Variants in ERBB4 observed in about 807,000 individuals in gnomAD.
The protein encoded by ERBB4 is erb-b2 receptor tyrosine kinase 4.
A neutral mutation model predicts 158.0 loss-of-function variants in ERBB4; 42 were observed. The observed-to-expected ratio is 0.27, with a 90% CI of 0.21 to 0.34. The LOEUF (loss-of-function observed/expected upper bound fraction) is 0.34. ERBB4 is among the 10% of genes least tolerant of loss of function. The probability of loss-of-function intolerance (pLI) is 1.00; values close to 1 mark genes in which losing one functional copy is unlikely to be tolerated. For synonymous variants in ERBB4, 583 were observed against 558.7 expected (o/e 1.04, Z -0.61); for missense variants, 1,333 against 1,624.1 (o/e 0.82, Z 3.08).
At chr2:211,826,611 G>A (rs1293412657) in intron 3 of ERBB4, among the ~76,000 whole-genome samples, 1 of 151,730 alleles carries the variant, frequency 6.6e-6, no homozygotes, top group East Asian at 1.9e-4. Context: ...AACAGTGTCT[G>A]GTATCAATAA....
At chr2:211,939,433 CA>C (rs1403007434) in intron 3 of ERBB4, among the ~76,000 whole-genome samples, 1 of 151,360 alleles carries the variant, frequency 6.6e-6, no homozygotes, top group Non-Finnish European at 1.5e-5. Context: ...TTGCAAGGTG[CA>C]AACTTCCATA....
chr2:211,718,202 G>A (rs757629833), intron 7 of ERBB4, among the ~76,000 whole-genome samples: 14 of 152,050 alleles, frequency 9.2e-5, no homozygotes, highest in Non-Finnish European at 1.6e-4. Flanking sequence ...ACGAGCCACC[G>A]TGCCTGGCCA....
intron 1 of ERBB4, among the ~76,000 whole-genome samples, chr2:212,434,315 C>T (rs1024328207): frequency 6.6e-6 from 1 of 151,792 alleles, no homozygotes; most frequent in Non-Finnish European, 1.5e-5. Flanking sequence ...TGCTAGAAAG[C>T]CAGAGATACA....
chr2:211,570,325 C>CTTTTTTTTTTTTTTTTT (rs769458178), intron 19 of ERBB4, among the ~76,000 whole-genome samples: 3 of 105,222 alleles, frequency 2.9e-5, no homozygotes, highest in African/African-American at 1.2e-4. Context: ...CTAATTTTTG[C>CTTTTTTTTTTTTTTTTT]TTTTTTTTTT....
intron 3 of ERBB4, among the ~76,000 whole-genome samples, chr2:211,869,346 C>T (rs940060570): frequency 6.6e-6 from 1 of 152,170 alleles, no homozygotes; most frequent in Non-Finnish European, 1.5e-5. Flanking sequence ...CTTAACGTGA[C>T]ATCCTCCTGC....
chr2:212,379,240 G>A (rs1340906155), intron 1 of ERBB4, among the ~76,000 whole-genome samples: 1 of 151,694 alleles, frequency 6.6e-6, no homozygotes, highest in Non-Finnish European at 1.5e-5. Flanking sequence ...TATCCTCAAA[G>A]TCATTATTAA....
At chr2:211,420,638 CA>C (rs760210471) in intron 24 of ERBB4, 27 bp from the exon 25 acceptor site, 25 of 1,590,226 alleles carry the variant, frequency 1.6e-5, no homozygotes, top group Non-Finnish European at 2.2e-5. Flanking sequence ...CCATCAGACA[CA>C]AATATGATTC....
At chr2:212,414,928 T>C (rs2091609554) in intron 1 of ERBB4, among the ~76,000 whole-genome samples, 1 of 152,152 alleles carries the variant, frequency 6.6e-6, no homozygotes, top group African/African-American at 2.4e-5. Flanking sequence ...ATTCAGAGAA[T>C]TGAATCCAGA....
chr2:211,686,993 T>C (rs1460803344), intron 12 of ERBB4, among the ~76,000 whole-genome samples: 2 of 147,988 alleles, frequency 1.4e-5, no homozygotes, highest in Non-Finnish European at 3.0e-5. Context: ...ACCACAAGAG[T>C]TGGGTTAAAA....
At chr2:211,504,265 G>A (rs1246736073) in intron 20 of ERBB4, among the ~76,000 whole-genome samples, 2 of 152,060 alleles carry the variant, frequency 1.3e-5, no homozygotes, top group Non-Finnish European at 2.9e-5. Context: ...CAGTGAGCCA[G>A]ATAATATGCA....
Position 211,561,896 on chromosome 2 carries a change from C to T in ERBB4, c.2487+7G>A, listed in dbSNP as rs746347623. On this transcript the variant is annotated splice_region_variant and intron_variant, in intron 20 of 27. Transcript: ENST00000342788. The stretch of plus-strand genomic sequence containing the variant: ...TGTAATTTCCATAGAAATTGACAGG[C>T]ACTTACCTTAGCTATCTGGACACAC... 84 of 1,612,356 alleles carry T rather than the reference C, an allele frequency of 5.2e-5. No homozygotes were observed. The highest frequency in any genetic ancestry group is 6.8e-5 in the Non-Finnish European group (80 of 1,178,898).
At chr2:211,470,979 CTG>C (rs1466329572) in intron 20 of ERBB4, among the ~76,000 whole-genome samples, 1 of 152,196 alleles carries the variant, frequency 6.6e-6, no homozygotes, top group Non-Finnish European at 1.5e-5. Flanking sequence ...TATGATGAGA[CTG>C]TGCCATTTTG....
At chr2:211,978,287 T>C (rs542172795) in intron 2 of ERBB4, among the ~76,000 whole-genome samples, 3 of 152,114 alleles carry the variant, frequency 2.0e-5, no homozygotes, top group African/African-American at 7.2e-5. Context: ...TCTCTATAAT[T>C]TCCCTAGCAA....
At chr2:212,533,322 G>T (rs982488337) in intron 1 of ERBB4, among the ~76,000 whole-genome samples, 2 of 152,126 alleles carry the variant, frequency 1.3e-5, no homozygotes, top group South Asian at 2.1e-4. Flanking sequence ...CAATATCAAA[G>T]ACTTTAAAGT....
intron 3 of ERBB4, among the ~76,000 whole-genome samples, chr2:211,816,723 A>G (rs771681144): frequency 4.0e-5 from 6 of 151,538 alleles, no homozygotes; most frequent in Non-Finnish European, 7.4e-5. Flanking sequence ...GACCACCACC[A>G]CTACCAGTCA....
intron 2 of ERBB4, among the ~76,000 whole-genome samples, chr2:212,090,473 A>G (rs2078740645): frequency 6.6e-6 from 1 of 152,038 alleles, no homozygotes; most frequent in Non-Finnish European, 1.5e-5. Context: ...AGGTCTAGTG[A>G]TTGTCAGCTC....
At chr2:211,975,549 A>G (rs781398108) in intron 2 of ERBB4, among the ~76,000 whole-genome samples, 6 of 152,206 alleles carry the variant, frequency 3.9e-5, no homozygotes, top group Admixed American at 3.3e-4. Flanking sequence ...AGGACAATTT[A>G]TAAGTAAACT....
chr2:211,846,211 T>A (rs1415919425), intron 3 of ERBB4, among the ~76,000 whole-genome samples: 2 of 152,140 alleles, frequency 1.3e-5, no homozygotes, highest in Non-Finnish European at 2.9e-5. Flanking sequence ...TTAGGAAGAA[T>A]ATTCAGATGC....
At chr2:212,422,891 G>C (rs1286965562) in intron 1 of ERBB4, among the ~76,000 whole-genome samples, 1 of 152,118 alleles carries the variant, frequency 6.6e-6, no homozygotes, top group Non-Finnish European at 1.5e-5. Flanking sequence ...AATCCTTTCA[G>C]ACCTTACATC....
Sources: gnomAD v4.1 joint callset for allele counts (sites outside exome capture counted in the v4.1 genomes callset) on GRCh38, gnomAD v4.1.1 for gene constraint, MANE v1.5 for transcripts, NCBI Gene and HGNC (gene_info 2026-07-23, HGNC 2026-07-21) for gene names.